PRTFDC1: variants seen among roughly 807,000 people sequenced by gnomAD.
PRTFDC1 encodes the protein phosphoribosyl transferase domain containing 1, also known as phosphoribosyltransferase domain-containing protein 1.
In PRTFDC1, 38 loss-of-function variants were observed where a neutral mutation model predicts 34.6. The observed-to-expected ratio is 1.10, with a 90% confidence interval of 0.85 to 1.44. The LOEUF (loss-of-function observed/expected upper bound fraction) is 1.44. PRTFDC1 is among the 40% of genes most tolerant of loss of function. The pLI, the probability that PRTFDC1 is intolerant of heterozygous loss-of-function variation, is 0.00. For missense variants in PRTFDC1, 270 were observed against 283.0 expected, an observed-to-expected ratio of 0.95 and a Z score of 0.33; for synonymous variants, 93 against 98.1, an observed-to-expected ratio of 0.95 and a Z score of 0.31.
chr10:24,905,321 T>C, intron 3 of PRTFDC1, among the ~76,000 whole-genome samples: 1 of 80,420 alleles, frequency 1.2e-5, no homozygotes, highest in African/African-American at 4.0e-5. Context: ...TCAAGAATTT[T>C]TTTTTTTTTT....
intron 3 of PRTFDC1, among the ~76,000 whole-genome samples, chr10:24,905,317 A>C (rs1004704140): frequency 4.6e-5 from 4 of 87,284 alleles, no homozygotes; most frequent in African/African-American, 1.4e-4. Flanking sequence ...TGTCTCAAGA[A>C]TTTTTTTTTT....
At chr10:24,892,429 A>T (rs1450824490) in intron 3 of PRTFDC1, among the ~76,000 whole-genome samples, 1 of 151,750 alleles carries the variant, frequency 6.6e-6, no homozygotes, top group Non-Finnish European at 1.5e-5. Flanking sequence ...TCTTTTTCAT[A>T]ATAGCCCTTC....
chr10:24,897,663 A>G (rs1848389630), intron 3 of PRTFDC1, among the ~76,000 whole-genome samples: 1 of 152,250 alleles, frequency 6.6e-6, no homozygotes, highest in Non-Finnish European at 1.5e-5. Context: ...GCAAACTAAA[A>G]ACACAATGAG....
intron 4 of PRTFDC1, among the ~76,000 whole-genome samples, chr10:24,870,779 A>G (rs776599672): frequency 2.6e-5 from 4 of 152,044 alleles, no homozygotes; most frequent in African/African-American, 4.8e-5. Flanking sequence ...CTGTCTTCAG[A>G]GTAGAGGGAA....
At chr10:24,908,452 T>C (rs1848571170) in intron 3 of PRTFDC1, 1 of 1,567,592 alleles carries the variant, frequency 6.4e-7, no homozygotes. Flanking sequence ...TTGAAGACAG[T>C]GAGCCCTAGA....
chr10:24,880,957 C>A (rs1165706359), intron 3 of PRTFDC1, among the ~76,000 whole-genome samples: 1 of 148,854 alleles, frequency 6.7e-6, no homozygotes, highest in Non-Finnish European at 1.5e-5. Context: ...CTTCCTTCTT[C>A]TTTCTTTCTT....
intron 3 of PRTFDC1, among the ~76,000 whole-genome samples, chr10:24,880,814 T>C (rs1022158637): frequency 7.4e-5 from 1 of 13,518 alleles, no homozygotes; most frequent in African/African-American, 3.6e-4. Context: ...ACTGTCTTTC[T>C]CTTTCTTTCT....
At chr10:24,872,812 T>G (rs1171966179) in intron 3 of PRTFDC1, among the ~76,000 whole-genome samples, 2 of 125,948 alleles carry the variant, frequency 1.6e-5, no homozygotes, top group African/African-American at 7.0e-5. Context: ...ATATATTTTT[T>G]TTTTTTTTTT....
chr10:24,861,635 T>G (rs898053849), intron 4 of PRTFDC1, among the ~76,000 whole-genome samples: 1 of 152,082 alleles, frequency 6.6e-6, no homozygotes, highest in African/African-American at 2.4e-5. Context: ...AGACAGTCAC[T>G]TTTAACTCTT....
At chr10:24,886,408 G>A (rs1848164494) in intron 3 of PRTFDC1, among the ~76,000 whole-genome samples, 1 of 152,130 alleles carries the variant, frequency 6.6e-6, no homozygotes, top group Non-Finnish European at 1.5e-5. Flanking sequence ...GATGTTGCTG[G>A]AGCCAGGCTG....
intron 3 of PRTFDC1, among the ~76,000 whole-genome samples, chr10:24,934,409 C>T (rs761284074): frequency 9.2e-5 from 14 of 152,298 alleles, no homozygotes; most frequent in Non-Finnish European, 1.5e-4. Context: ...GTTCAGGCCA[C>T]GATGGGAAGA....
chr10:24,863,232 A>G (rs771839324), intron 4 of PRTFDC1, among the ~76,000 whole-genome samples: 3 of 152,158 alleles, frequency 2.0e-5, no homozygotes, highest in South Asian at 2.1e-4. Flanking sequence ...GTTGAAGTCA[A>G]TGCTCACTTA....
At chr10:24,891,371 GAA>G (rs1848258738) in intron 3 of PRTFDC1, among the ~76,000 whole-genome samples, 1 of 152,058 alleles carries the variant, frequency 6.6e-6, no homozygotes, top group Non-Finnish European at 1.5e-5. Flanking sequence ...TAAATGATTT[GAA>G]GGGAATGACT....
chr10:24,922,561 C>T (rs1413480589), intron 3 of PRTFDC1, among the ~76,000 whole-genome samples: 1 of 152,196 alleles, frequency 6.6e-6, no homozygotes, highest in Non-Finnish European at 1.5e-5. Flanking sequence ...CATATGCCCT[C>T]TTGCCTGCCA....
intron 3 of PRTFDC1, among the ~76,000 whole-genome samples, chr10:24,935,210 A>C (rs1416703295): frequency 3.9e-5 from 6 of 152,176 alleles, no homozygotes; most frequent in Non-Finnish European, 8.8e-5. Context: ...TGGCTCAATA[A>C]ACCTGACTTT....
chr10:24,932,582 C>A (rs1848988023), intron 3 of PRTFDC1, among the ~76,000 whole-genome samples: 1 of 151,838 alleles, frequency 6.6e-6, no homozygotes, highest in Non-Finnish European at 1.5e-5. Context: ...AAGTATATAT[C>A]TAACCAAATA....
intron 4 of PRTFDC1, among the ~76,000 whole-genome samples, chr10:24,861,590 C>T (rs1847681071): frequency 3.3e-5 from 5 of 151,978 alleles, no homozygotes; most frequent in Admixed American, 3.3e-4. Context: ...CCCTCCATCA[C>T]TTCACCTCTG....
intron 3 of PRTFDC1, among the ~76,000 whole-genome samples, chr10:24,931,570 G>A (rs7914847): frequency 0.26 from 39,377 of 151,466 alleles, 5,844 homozygotes; most frequent in Non-Finnish European, 0.35. Flanking sequence ...AGAGATTAAA[G>A]ATAATAAGGG....
chr10:24,908,733 A>G (rs1235409535), intron 3 of PRTFDC1: 2 of 1,524,950 alleles, frequency 1.3e-6, no homozygotes, highest in African/African-American at 1.4e-5. Flanking sequence ...GGAGACACCT[A>G]CCTAGCCAGC....
Sources: allele counts gnomAD v4.1 joint callset (sites outside exome capture counted in the v4.1 genomes callset), GRCh38; gene constraint gnomAD v4.1.1; transcripts MANE v1.5; gene names NCBI Gene and HGNC (gene_info 2026-07-23, HGNC 2026-07-21).